CTNND2: variants seen among roughly 807,000 people sequenced by gnomAD.
The protein encoded by CTNND2 is catenin delta 2, also known as catenin delta-2.
In CTNND2, 22 loss-of-function variants were observed where a neutral mutation model predicts 144.4. That is an observed-to-expected ratio of 0.15 (90% confidence interval 0.11 to 0.22). The LOEUF is 0.22. CTNND2 is among the 10% of genes least tolerant of loss of function. The pLI, the probability that CTNND2 is intolerant of heterozygous loss-of-function variation, is 1.00. For synonymous variants in CTNND2, 751 were observed against 695.6 expected (o/e 1.08, Z -1.25); for missense variants, 1,353 against 1,618.8 (o/e 0.84, Z 2.82).
At chr5:11,314,968 A>G (rs958099801) in intron 9 of CTNND2, among the ~76,000 whole-genome samples, 1 of 152,224 alleles carries the variant, frequency 6.6e-6, no homozygotes, top group Non-Finnish European at 1.5e-5. Flanking sequence ...CAAGAAACAT[A>G]CTATACTAAA....
intron 1 of CTNND2, among the ~76,000 whole-genome samples, chr5:11,858,906 G>A (rs750615210): frequency 1.3e-5 from 2 of 152,224 alleles, no homozygotes; most frequent in Non-Finnish European, 2.9e-5. Flanking sequence ...TCCAGCCTGG[G>A]CGACAGAGTG....
intron 1 of CTNND2, among the ~76,000 whole-genome samples, chr5:11,754,915 A>AT (rs1306323783): frequency 1.3e-5 from 2 of 151,636 alleles, no homozygotes; most frequent in Admixed American, 1.3e-4. Context: ...GTGCCCTTTA[A>AT]TTGGGGCATT....
chr5:11,318,088 G>C (rs1217216827), intron 9 of CTNND2, among the ~76,000 whole-genome samples: 3 of 152,148 alleles, frequency 2.0e-5, no homozygotes, highest in African/African-American at 7.2e-5. Context: ...GTGAAGTACA[G>C]GACTGAGCTG....
At chr5:11,633,248 GA>G (rs1388786216) in intron 2 of CTNND2, among the ~76,000 whole-genome samples, 3 of 152,130 alleles carry the variant, frequency 2.0e-5, no homozygotes, top group Admixed American at 1.3e-4. Context: ...GGCAGCAAGA[GA>G]AAAATTACTC....
At chr5:11,306,400 T>C (rs1750207069) in intron 9 of CTNND2, among the ~76,000 whole-genome samples, 2 of 152,200 alleles carry the variant, frequency 1.3e-5, no homozygotes, top group South Asian at 2.1e-4. Flanking sequence ...TGCAAGCTGC[T>C]TCCATCAAGG....
At chr5:11,158,915 T>A (rs1035038681) in intron 12 of CTNND2, among the ~76,000 whole-genome samples, 1 of 152,210 alleles carries the variant, frequency 6.6e-6, no homozygotes, top group African/African-American at 2.4e-5. Flanking sequence ...AAGAATCATA[T>A]CTTGGTAACT....
rs78662069 is a variant in CTNND2 at position 11,154,247 on chromosome 5, T to C, written c.2159+5329A>G. Among the ~76,000 whole-genome samples, 150 of 152,282 alleles carry C rather than the reference T, an allele frequency of 9.9e-4. 3 individuals carry two copies. In the East Asian group the frequency reaches 0.024, roughly 25 times the overall value. On this transcript the variant is annotated intron_variant, in intron 12 of 21. Coordinates refer to ENST00000304623, the MANE Select transcript of CTNND2 (RefSeq NM_001332.4). ...GCAATGTTCAGAAGCTAGTTCAATG[T>C]CGGGAGGAAAAGGAAAGGTTGGCTC...
intron 9 of CTNND2, among the ~76,000 whole-genome samples, chr5:11,283,700 A>G (rs1030705602): frequency 8.0e-5 from 12 of 149,786 alleles, no homozygotes; most frequent in Non-Finnish European, 1.8e-4. Context: ...AAAAAAAAAA[A>G]AAAAAAGAGA....
intron 3 of CTNND2, among the ~76,000 whole-genome samples, chr5:11,512,119 G>A (rs1771703705): frequency 6.6e-6 from 1 of 152,076 alleles, no homozygotes; most frequent in Non-Finnish European, 1.5e-5. Flanking sequence ...TTGGGCATAT[G>A]ACCTACGCAG....
At chr5:11,617,271 A>C (rs901299819) in intron 2 of CTNND2, among the ~76,000 whole-genome samples, 2 of 152,158 alleles carry the variant, frequency 1.3e-5, no homozygotes, top group Non-Finnish European at 2.9e-5. Context: ...ATTGACCTCT[A>C]CTGACATCAT....
chr5:11,021,489 C>A (rs1175176519), intron 17 of CTNND2, among the ~76,000 whole-genome samples: 1 of 152,132 alleles, frequency 6.6e-6, no homozygotes, highest in African/African-American at 2.4e-5. Context: ...TGGTTTCCTG[C>A]CTACGTAGGA....
intron 7 of CTNND2, among the ~76,000 whole-genome samples, chr5:11,365,165 C>A (rs1756851479): frequency 6.6e-6 from 1 of 152,192 alleles, no homozygotes; most frequent in Non-Finnish European, 1.5e-5. Context: ...TTATTTTTCT[C>A]AAAACCTAAT....
chr5:11,067,479 A>T (rs924660634), intron 16 of CTNND2, among the ~76,000 whole-genome samples: 1 of 152,350 alleles, frequency 6.6e-6, no homozygotes, highest in Non-Finnish European at 1.5e-5. Flanking sequence ...GCAAGAGGGA[A>T]TAACCAGATG....
At chr5:11,311,869 T>G (rs113176373) in intron 9 of CTNND2, among the ~76,000 whole-genome samples, 29,481 of 72,238 alleles carry the variant, frequency 0.41, 4,964 homozygotes, top group South Asian at 0.52. Flanking sequence ...ACACTCCCCC[T>G]TCCCACTCAC....
At chr5:11,130,911 T>C (rs1311327947) in intron 12 of CTNND2, among the ~76,000 whole-genome samples, 1 of 152,138 alleles carries the variant, frequency 6.6e-6, no homozygotes, top group Non-Finnish European at 1.5e-5. Context: ...CGCCCATATC[T>C]AACCTTAATT....
chr5:11,348,354 T>C (rs550263602), intron 8 of CTNND2, among the ~76,000 whole-genome samples: 1 of 151,208 alleles, frequency 6.6e-6, no homozygotes, highest in South Asian at 2.1e-4. Flanking sequence ...AGTCATAAAC[T>C]TGCTCTTGGA....
intron 1 of CTNND2, among the ~76,000 whole-genome samples, chr5:11,879,339 G>GTGTGTATA (rs1553988765): frequency 5.9e-5 from 6 of 100,990 alleles, no homozygotes; most frequent in Non-Finnish European, 1.1e-4. Flanking sequence ...AATTAAATGT[G>GTGTGTATA]TGTATATATA....
chr5:11,525,858 C>A (rs1181615718), intron 3 of CTNND2, among the ~76,000 whole-genome samples: 1 of 152,204 alleles, frequency 6.6e-6, no homozygotes, highest in Admixed American at 6.5e-5. Context: ...CTGGGCCACC[C>A]AAGTCCTTGA....
chr5:11,152,702 G>C (rs1195461923), intron 12 of CTNND2, among the ~76,000 whole-genome samples: 7 of 152,120 alleles, frequency 4.6e-5, no homozygotes, highest in South Asian at 2.1e-4. Flanking sequence ...TCTTTTCTGA[G>C]GAGCTCCTAA....
Sources: allele counts gnomAD v4.1 joint callset (sites outside exome capture counted in the v4.1 genomes callset), GRCh38; gene constraint gnomAD v4.1.1; transcripts MANE v1.5; gene names NCBI Gene and HGNC (gene_info 2026-07-23, HGNC 2026-07-21).